Variants in PRR16 observed in about 807,000 individuals in gnomAD.
PRR16 encodes the protein protein Largen.
A neutral mutation model predicts 18.2 loss-of-function variants in PRR16; 6 were observed. The observed-to-expected ratio is 0.33, with a 90% CI of 0.18 to 0.65. The LOEUF is 0.65. PRR16 is among the 30% of genes least tolerant of loss of function. PRR16 has a pLI of 0.74. For synonymous variants in PRR16, 151 were observed against 147.8 expected, an observed-to-expected ratio of 1.02 and a Z score of -0.16; for missense variants, 412 against 376.6, an observed-to-expected ratio of 1.09 and a Z score of -0.78.
At chr5:120,688,115 G>A (rs1348975392), downstream of PRR16, among the ~76,000 whole-genome samples, 2 of 152,116 alleles carry the variant, frequency 1.3e-5, no homozygotes, top group Admixed American at 1.3e-4. Context: ...CTTTGCACAG[G>A]CAGATAGCCT....
chr5:120,503,990 T>G (rs180892573), intron 1 of PRR16, among the ~76,000 whole-genome samples: 7 of 152,202 alleles, frequency 4.6e-5, no homozygotes, highest in South Asian at 2.1e-4. Context: ...TATGGCTGCA[T>G]AGTATTCCAT....
chr5:120,551,528 A>T, intron 1 of PRR16, among the ~76,000 whole-genome samples: 1 of 151,838 alleles, frequency 6.6e-6, no homozygotes, highest in South Asian at 2.1e-4. Context: ...CATATAATCA[A>T]TGTATGATGA....
At chr5:120,754,191 T>A in the PRR16 span, among the ~76,000 whole-genome samples, 91 of 100,894 alleles carry the variant, frequency 9.0e-4, no homozygotes, top group Non-Finnish European at 1.4e-3. Flanking sequence ...ATATAATATA[T>A]AATTATATAT....
At chr5:120,767,304 G>A in the PRR16 span, among the ~76,000 whole-genome samples, 1 of 151,862 alleles carries the variant, frequency 6.6e-6, no homozygotes, top group African/African-American at 2.4e-5. Context: ...GATGCCTCAG[G>A]GCACCATAGA....
At chr5:120,542,741 A>G (rs1215020182) in intron 1 of PRR16, among the ~76,000 whole-genome samples, 1 of 152,170 alleles carries the variant, frequency 6.6e-6, no homozygotes, top group East Asian at 1.9e-4. Context: ...AGGCAGTGTC[A>G]TCCCCTTGCA....
intron 1 of PRR16, among the ~76,000 whole-genome samples, chr5:120,685,192 G>C (rs899065771): frequency 1.3e-5 from 2 of 152,172 alleles, no homozygotes; most frequent in Admixed American, 6.5e-5. Flanking sequence ...AGTAAATGGG[G>C]TTTTGTGCCT....
intron 1 of PRR16, among the ~76,000 whole-genome samples, chr5:120,660,093 C>T (rs1756124829): frequency 6.6e-6 from 1 of 151,974 alleles, no homozygotes; most frequent in African/African-American, 2.4e-5. Flanking sequence ...TTACTAAACT[C>T]ATCCTAAGTT....
At chr5:120,730,855 C>T in the PRR16 span, among the ~76,000 whole-genome samples, 1 of 152,130 alleles carries the variant, frequency 6.6e-6, no homozygotes, top group Non-Finnish European at 1.5e-5. Flanking sequence ...ACCACATCAT[C>T]TATGTTTAAA....
intron 1 of PRR16, among the ~76,000 whole-genome samples, chr5:120,613,037 A>C (rs781620929): frequency 2.6e-5 from 4 of 152,224 alleles, no homozygotes; most frequent in Non-Finnish European, 5.9e-5. Context: ...ACAAATAAGC[A>C]TGAGGTATAT....
chr5:120,593,341 T>G (rs1044099406), intron 1 of PRR16, among the ~76,000 whole-genome samples: 2 of 151,814 alleles, frequency 1.3e-5, no homozygotes, highest in African/African-American at 4.8e-5. Flanking sequence ...CCCAAAGAGA[T>G]ACAAATAATC....
chr5:120,550,746 A>G (rs575512266), intron 1 of PRR16, among the ~76,000 whole-genome samples: 85 of 152,118 alleles, frequency 5.6e-4, no homozygotes, highest in African/African-American at 2.0e-3. Flanking sequence ...GTTTTTCTTA[A>G]CCCTCATTCC....
At chr5:120,543,994 A>G (rs894146356) in intron 1 of PRR16, among the ~76,000 whole-genome samples, 2 of 152,162 alleles carry the variant, frequency 1.3e-5, no homozygotes, top group Non-Finnish European at 2.9e-5. Flanking sequence ...GTTGTTATTC[A>G]GTGTTTGTCT....
At chr5:120,694,299 T>TTAG in the PRR16 span, among the ~76,000 whole-genome samples, 1 of 152,228 alleles carries the variant, frequency 6.6e-6, no homozygotes, top group Admixed American at 6.5e-5. Context: ...CAGGTAAGCC[T>TTAG]AATAATTCTC....
chr5:120,589,746 C>G (rs76806274), intron 1 of PRR16, among the ~76,000 whole-genome samples: 2,349 of 152,154 alleles, frequency 0.015, 73 homozygotes, highest in African/African-American at 0.053. Flanking sequence ...AAACCACCCT[C>G]ATGATTCAAA....
chr5:120,710,942 C>G, the PRR16 span: 2 of 149,584 alleles, frequency 1.3e-5, no homozygotes, highest in African/African-American at 4.9e-5. Context: ...AGAATCCACT[C>G]TTTTTTTTTT....
chr5:120,740,152 C>T, the PRR16 span, among the ~76,000 whole-genome samples: 2 of 152,094 alleles, frequency 1.3e-5, no homozygotes, highest in African/African-American at 4.8e-5. Context: ...TTGGTCTTTG[C>T]TTTTCTTCTG....
At chr5:120,702,894 A>C in the PRR16 span, among the ~76,000 whole-genome samples, 2 of 152,132 alleles carry the variant, frequency 1.3e-5, no homozygotes, top group African/African-American at 2.4e-5. Context: ...TCAGGGAGCA[A>C]AGAACAGGAG....
At chr5:120,684,285 A>G (rs1255345356) in intron 1 of PRR16, among the ~76,000 whole-genome samples, 1 of 152,164 alleles carries the variant, frequency 6.6e-6, no homozygotes, top group Admixed American at 6.5e-5. Flanking sequence ...ACATCCAAAG[A>G]CTGAGCCCTG....
At chr5:120,518,935 C>A (rs1045117218) in intron 1 of PRR16, among the ~76,000 whole-genome samples, 8 of 152,064 alleles carry the variant, frequency 5.3e-5, no homozygotes, top group African/African-American at 1.9e-4. Context: ...ATAGAAAAGG[C>A]AGTAATAAAC....
Sources: gnomAD v4.1 joint callset for allele counts (sites outside exome capture counted in the v4.1 genomes callset) on GRCh38, gnomAD v4.1.1 for gene constraint, MANE v1.5 for transcripts, NCBI Gene and HGNC (gene_info 2026-07-23, HGNC 2026-07-21) for gene names.